Variants in PRKCH observed in about 807,000 individuals in gnomAD.
PRKCH encodes the protein protein kinase C eta type.
Under a neutral mutation model 82.5 loss-of-function variants are expected in PRKCH, and 28 were observed. That is an observed-to-expected ratio of 0.34 (90% CI 0.25 to 0.47). PRKCH has a LOEUF of 0.47. Ranked by LOEUF, PRKCH falls within the 20% of genes least tolerant of loss-of-function variation. The pLI is 1.00. For synonymous variants in PRKCH, 322 were observed against 327.4 expected (o/e 0.98, Z 0.18); for missense variants, 705 against 881.8 (o/e 0.80, Z 2.54).
chr14:61,199,101 A>C (rs201228803), intron 1 of PRKCH, among the ~76,000 whole-genome samples: 2 of 152,202 alleles, frequency 1.3e-5, no homozygotes, highest in East Asian at 3.8e-4. Context: ...AACTCCAAAA[A>C]ATGACCAATA....
intron 1 of PRKCH, among the ~76,000 whole-genome samples, chr14:61,188,697 T>TGTGTG: frequency 1.3e-5 from 1 of 74,766 alleles, no homozygotes; most frequent in Non-Finnish European, 2.9e-5. Context: ...CCCCCAGACG[T>TGTGTG]TGCTGTAGTG....
rs567444585 is a variant in PRKCH, at chr14:61,218,321, CTG to C, written c.-19+30656_-19+30657del. On this transcript the variant is annotated intron_variant, in intron 1 of 3. Coordinates refer to the PRKCH transcript ENST00000555185. Reference sequence around the variant, plus strand: ...TTTCAACCCTATACCCTCTTCAACACTGTGCCGTGCAGGTAAGCTTCTGGGAA... The same window carrying C: ...TTTCAACCCTATACCCTCTTCAACACTGCCGTGCAGGTAAGCTTCTGGGAA... 3.0e-3 allele frequency among the ~76,000 whole-genome samples: 457 copies of C among 152,344 alleles called. 3 individuals are homozygous for C. The highest frequency in any genetic ancestry group is 0.01 in the African/African-American group (431 of 41,576).
chr14:61,213,119 C>T (rs2044594154), intron 1 of PRKCH, among the ~76,000 whole-genome samples: 1 of 152,128 alleles, frequency 6.6e-6, no homozygotes, highest in Non-Finnish European at 1.5e-5. Flanking sequence ...GCCGTGGGAC[C>T]AGCACATTTA....
At chr14:61,395,675 G>C (rs552813709) in intron 2 of PRKCH, among the ~76,000 whole-genome samples, 2 of 152,272 alleles carry the variant, frequency 1.3e-5, no homozygotes, top group South Asian at 4.1e-4. Flanking sequence ...AGGTATGTTA[G>C]TGGGATTTTC....
At chr14:61,250,031 G>A (rs978158321) in intron 1 of PRKCH, among the ~76,000 whole-genome samples, 4 of 151,022 alleles carry the variant, frequency 2.6e-5, no homozygotes, top group Non-Finnish European at 5.9e-5. Flanking sequence ...AGGCCGAGAT[G>A]GGTGGATCAC....
intron 1 of PRKCH, among the ~76,000 whole-genome samples, chr14:61,351,043 T>A (rs559490781): frequency 6.6e-6 from 1 of 152,360 alleles, no homozygotes; most frequent in East Asian, 1.9e-4. Flanking sequence ...GGTCCCAGGA[T>A]ACATGGGTAC....
chr14:61,320,991 C>T (rs945265543), upstream of PRKCH, among the ~76,000 whole-genome samples: 1 of 152,216 alleles, frequency 6.6e-6, no homozygotes, highest in Admixed American at 6.5e-5. Flanking sequence ...ACAAGACACA[C>T]CTTCCGAGGA....
intron 4 of PRKCH, among the ~76,000 whole-genome samples, chr14:61,446,191 G>T (rs1386985899): frequency 1.4e-5 from 2 of 146,654 alleles, no homozygotes; most frequent in Admixed American, 6.8e-5. Flanking sequence ...AAAAAAAAAA[G>T]TGAGAAATGT....
chr14:61,396,554 C>T (rs1291578582), intron 2 of PRKCH, among the ~76,000 whole-genome samples: 1 of 152,122 alleles, frequency 6.6e-6, no homozygotes. Context: ...AGCCAGGTCC[C>T]ATGGCAGGAA....
intron 1 of PRKCH, among the ~76,000 whole-genome samples, chr14:61,289,560 A>T (rs1022580884): frequency 6.6e-6 from 1 of 152,144 alleles, no homozygotes; most frequent in Admixed American, 6.5e-5. Context: ...TACCAAAATT[A>T]GTTAGTCATG....
At chr14:61,218,380 GCTACC>G (rs1256756950) in intron 1 of PRKCH, among the ~76,000 whole-genome samples, 1 of 152,162 alleles carries the variant, frequency 6.6e-6, no homozygotes, top group Non-Finnish European at 1.5e-5. Flanking sequence ...GCATGACTGA[GCTACC>G]CCCTTTCTCA....
chr14:61,283,104 A>G (rs965469663), intron 1 of PRKCH, among the ~76,000 whole-genome samples: 2 of 151,736 alleles, frequency 1.3e-5, no homozygotes, highest in Admixed American at 1.3e-4. Flanking sequence ...TCTTGAGCCC[A>G]AGAGATCCTT....
At chr14:61,305,119 A>G (rs957092464) in intron 1 of PRKCH, 1 of 151,908 alleles carries the variant, frequency 6.6e-6, no homozygotes, top group Admixed American at 6.6e-5. Flanking sequence ...AAATTAGAGA[A>G]TTTTTTTAAA....
intron 12 of PRKCH, among the ~76,000 whole-genome samples, chr14:61,545,736 G>T (rs879748803): frequency 6.6e-6 from 1 of 152,230 alleles, no homozygotes; most frequent in African/African-American, 2.4e-5. Flanking sequence ...TTCCAAGGGT[G>T]CAGTTTTTAG....
chr14:61,542,022 G>T (rs1195646276), intron 12 of PRKCH, among the ~76,000 whole-genome samples: 1 of 152,188 alleles, frequency 6.6e-6, no homozygotes, highest in Non-Finnish European at 1.5e-5. Context: ...GGGCGTGGTG[G>T]CTCACACCTG....
chr14:61,533,827 A>AT (rs1054268462), intron 12 of PRKCH, among the ~76,000 whole-genome samples: 6 of 152,160 alleles, frequency 3.9e-5, no homozygotes, highest in African/African-American at 1.4e-4. Context: ...GCATGAAATG[A>AT]TTTTTTTACA....
chr14:61,360,435 G>C (rs544192059), intron 1 of PRKCH, among the ~76,000 whole-genome samples: 1 of 152,112 alleles, frequency 6.6e-6, no homozygotes, highest in Non-Finnish European at 1.5e-5. Context: ...AACATGGGAG[G>C]CGGAGGTTGC....
intron 1 of PRKCH, among the ~76,000 whole-genome samples, chr14:61,253,869 G>A (rs549242196): frequency 6.6e-6 from 1 of 152,160 alleles, no homozygotes; most frequent in South Asian, 2.1e-4. Context: ...CATAGTGGTG[G>A]CTGGCCTATA....
At chr14:61,334,350 G>A (rs2045826650) in intron 1 of PRKCH, among the ~76,000 whole-genome samples, 1 of 152,150 alleles carries the variant, frequency 6.6e-6, no homozygotes, top group Admixed American at 6.5e-5. Context: ...AATGACAAAT[G>A]CTGGGTAGGT....
Sources: allele counts gnomAD v4.1 joint callset (sites outside exome capture counted in the v4.1 genomes callset), GRCh38; gene constraint gnomAD v4.1.1; transcripts MANE v1.5; gene names NCBI Gene and HGNC (gene_info 2026-07-23, HGNC 2026-07-21).